Variants in SYT2 observed in about 807,000 individuals in gnomAD.
SYT2 encodes the protein synaptotagmin 2.
In SYT2, 15 loss-of-function variants were observed where a neutral mutation model predicts 39.9. That is an observed-to-expected ratio of 0.38 (90% CI 0.25 to 0.58). The LOEUF (loss-of-function observed/expected upper bound fraction) is 0.58. Ranked by LOEUF, SYT2 falls within the 20% of genes least tolerant of loss-of-function variation. The probability of loss-of-function intolerance (pLI) is 0.70; values close to 1 mark genes in which losing one functional copy is unlikely to be tolerated. For synonymous variants in SYT2, 181 were observed against 204.5 expected, an observed-to-expected ratio of 0.89 and a Z score of 0.98; for missense variants, 389 against 530.3, an observed-to-expected ratio of 0.73 and a Z score of 2.62.
At chr1:202,612,424 GT>G (rs1690906107) in intron 1 of SYT2, among the ~76,000 whole-genome samples, 1 of 152,200 alleles carries the variant, frequency 6.6e-6, no homozygotes, top group East Asian at 1.9e-4. Context: ...CTGGAGTACA[GT>G]GGTGTGAACA....
intron 1 of SYT2, among the ~76,000 whole-genome samples, chr1:202,702,017 C>T (rs1005439107): frequency 6.6e-6 from 1 of 152,214 alleles, no homozygotes; most frequent in Non-Finnish European, 1.5e-5. Flanking sequence ...GGGGCCTCTC[C>T]TCTGCCCCTT....
intron 1 of SYT2, among the ~76,000 whole-genome samples, chr1:202,611,881 C>T (rs1181230011): frequency 6.6e-6 from 1 of 152,086 alleles, no homozygotes; most frequent in African/African-American, 2.4e-5. Context: ...GACAGGGTCT[C>T]ACTCTGTTAC....
At chr1:202,709,738 C>T (rs1223249004) in intron 1 of SYT2, among the ~76,000 whole-genome samples, 1 of 152,188 alleles carries the variant, frequency 6.6e-6, no homozygotes, top group African/African-American at 2.4e-5. Flanking sequence ...CCAACCTCTC[C>T]CTGACCCAGG....
intron 1 of SYT2, among the ~76,000 whole-genome samples, chr1:202,610,760 T>C (rs1317642538): frequency 2.6e-5 from 4 of 151,938 alleles, no homozygotes; most frequent in Non-Finnish European, 5.9e-5. Flanking sequence ...GGAATCCAAC[T>C]TACAAGGGAT....
intron 1 of SYT2, among the ~76,000 whole-genome samples, chr1:202,645,524 A>C (rs1692062699): frequency 6.6e-6 from 1 of 152,152 alleles, no homozygotes; most frequent in South Asian, 2.1e-4. Flanking sequence ...ATTGGAATGT[A>C]GTGCTGCTTA....
intron 1 of SYT2, among the ~76,000 whole-genome samples, chr1:202,616,445 G>T (rs1691035662): frequency 6.6e-6 from 1 of 152,048 alleles, no homozygotes. Context: ...CCCACCTGCT[G>T]CCTTGTTCTC....
intron 1 of SYT2, among the ~76,000 whole-genome samples, chr1:202,633,464 G>T (rs186386619): frequency 2.6e-5 from 4 of 152,194 alleles, no homozygotes; most frequent in African/African-American, 9.6e-5. Context: ...TGGAAGGGAG[G>T]CCTAGGGTGG....
intron 1 of SYT2, among the ~76,000 whole-genome samples, chr1:202,701,839 C>T (rs1033657567): frequency 1.1e-4 from 17 of 152,172 alleles, no homozygotes; most frequent in African/African-American, 4.1e-4. Flanking sequence ...GGCCTGTTCC[C>T]TGTGTGTTAC....
At chr1:202,678,707 C>T (rs560028673) in intron 1 of SYT2, among the ~76,000 whole-genome samples, 17 of 152,288 alleles carry the variant, frequency 1.1e-4, no homozygotes, top group African/African-American at 3.8e-4. Flanking sequence ...CGCCAACTGT[C>T]CCCAAACTTC....
intron 1 of SYT2, among the ~76,000 whole-genome samples, chr1:202,656,311 C>T (rs1249280618): frequency 1.3e-5 from 2 of 152,218 alleles, no homozygotes; most frequent in Non-Finnish European, 2.9e-5. Context: ...ACAGAAATTT[C>T]CCGACTCCAG....
intron 1 of SYT2, among the ~76,000 whole-genome samples, chr1:202,608,715 G>A (rs1690788888): frequency 2.0e-5 from 3 of 152,226 alleles, no homozygotes; most frequent in South Asian, 4.2e-4. Flanking sequence ...GAACATCCAT[G>A]CATAAGTTTT....
chr1:202,597,102 T>C, intron 8 of SYT2, 139 bp from the exon 9 acceptor site: 2 of 704,324 alleles, frequency 2.8e-6, no homozygotes, highest in South Asian at 3.7e-5. Context: ...TCTGCTCCAG[T>C]GAAGACTGAA....
At position 202,675,075 on chromosome 1, in the gene SYT2, T is replaced by G. The variant is rs116618703; in HGVS notation, c.-18+35183A>C. ...GTTTATTACAGCATCCCCTGAACAGTGCTGGGTGCACAGGAGGGCCCAGTA... is the reference window on the plus strand; with the variant it reads ...GTTTATTACAGCATCCCCTGAACAGGGCTGGGTGCACAGGAGGGCCCAGTA... On this transcript the variant is annotated intron_variant, in intron 1 of 8. Coordinates refer to ENST00000367268, the MANE Select transcript of SYT2 (RefSeq NM_177402.5). Among the ~76,000 whole-genome samples the G allele has an allele frequency of 3.2e-3, 480 of 152,234 alleles. 2 individuals carry two copies. Among genetic ancestry groups the G allele is most frequent in the African/African-American group, 0.011 (466 of 41,518 alleles).
chr1:202,690,609 GTGGT>G (rs1653795748), intron 1 of SYT2, among the ~76,000 whole-genome samples: 1 of 152,182 alleles, frequency 6.6e-6, no homozygotes, highest in Non-Finnish European at 1.5e-5. Context: ...CAAGGACAAG[GTGGT>G]CACATCTCCT....
At chr1:202,677,728 G>C (rs1044816136) in intron 1 of SYT2, among the ~76,000 whole-genome samples, 1 of 152,142 alleles carries the variant, frequency 6.6e-6, no homozygotes, top group African/African-American at 2.4e-5. Flanking sequence ...TTTATTATAA[G>C]GTGTTTCATA....
intron 1 of SYT2, among the ~76,000 whole-genome samples, chr1:202,666,582 A>G (rs995367947): frequency 5.9e-5 from 9 of 152,226 alleles, no homozygotes; most frequent in Non-Finnish European, 8.8e-5. Context: ...GACGCAGCCC[A>G]AAGTGAATGA....
rs981514430 is a variant in SYT2, at chr1:202,657,900, C to G, written c.-17-52111G>C. Reference sequence around the variant, plus strand: ...GCATCTCCTCTTTGACTGCCTTGAACAGCTAATCAATGAATTCATTACTCA... The same window carrying G: ...GCATCTCCTCTTTGACTGCCTTGAAGAGCTAATCAATGAATTCATTACTCA... On this transcript the variant is annotated intron_variant, in intron 1 of 8. Coordinates refer to ENST00000367268, the MANE Select transcript of SYT2 (RefSeq NM_177402.5). Among the ~76,000 whole-genome samples the G allele has an allele frequency of 2.6e-5, 4 of 152,116 alleles. No individual in the cohort carries two copies. The East Asian group carries it at 7.7e-4, about 29-fold the overall frequency.
chr1:202,699,817 G>A (rs1654067361), intron 1 of SYT2, among the ~76,000 whole-genome samples: 1 of 152,018 alleles, frequency 6.6e-6, no homozygotes, highest in Non-Finnish European at 1.5e-5. Flanking sequence ...CCGGCTGAGA[G>A]GCTCCATCCA....
intron 4 of SYT2, 33 bp downstream of exon 4, chr1:202,602,966 T>C (rs1251601153): frequency 1.4e-6 from 2 of 1,407,970 alleles, no homozygotes; most frequent in Admixed American, 1.9e-5. Flanking sequence ...CTCTCCCCAT[T>C]CCCCCACTCT....
Sources: gnomAD v4.1 joint callset for allele counts (sites outside exome capture counted in the v4.1 genomes callset) on GRCh38, gnomAD v4.1.1 for gene constraint, MANE v1.5 for transcripts, NCBI Gene and HGNC (gene_info 2026-07-23, HGNC 2026-07-21) for gene names.